Variants in ADD3 observed in about 807,000 individuals in gnomAD.
ADD3 encodes adducin 3.
A neutral mutation model predicts 80.2 loss-of-function variants in ADD3; 25 were observed. The ratio of observed to expected loss-of-function variants is 0.31; its 90% CI spans 0.23 to 0.44. ADD3 has a LOEUF of 0.44. Ranked by LOEUF, ADD3 falls within the 20% of genes least tolerant of loss-of-function variation. The probability of loss-of-function intolerance (pLI) is 1.00; values close to 1 mark genes in which losing one functional copy is unlikely to be tolerated. For missense variants in ADD3, 829 were observed against 847.5 expected (o/e 0.98, Z 0.27); for synonymous variants, 284 against 289.6 (o/e 0.98, Z 0.20).
chr10:110,134,102 T>A lies in ADD3; in HGVS notation c.*484T>A, dbSNP rs1409463184. 2.0e-5 allele frequency: 3 copies of A among 152,642 alleles called. No homozygotes were observed. Among genetic ancestry groups the A allele is most frequent in the Admixed American group, 2.0e-4 (3 of 15,280 alleles). The allele number at this position is 152,642 out of a possible 1,614,324, so 9.5% of individuals were successfully genotyped here. ...CTTCTAAGACAAGAATCTATAGCATTAGTATACACTGGCACATAATTTTTT... is the reference window on the plus strand; with the variant it reads ...CTTCTAAGACAAGAATCTATAGCATAAGTATACACTGGCACATAATTTTTT... On this transcript the variant is annotated 3_prime_UTR_variant, in exon 15 of 15. Transcript: ENST00000356080.
At chr10:110,020,812 A>G (rs1853582804) in intron 1 of ADD3, among the ~76,000 whole-genome samples, 5 of 152,196 alleles carry the variant, frequency 3.3e-5, no homozygotes, top group Admixed American at 3.3e-4. Context: ...TTCTTACTGA[A>G]ATATGGGGGT....
At chr10:110,013,796 T>A (rs1438147277) in intron 1 of ADD3, among the ~76,000 whole-genome samples, 3 of 152,238 alleles carry the variant, frequency 2.0e-5, no homozygotes. Context: ...TGTGAGTGAC[T>A]CAGCCTGTTT....
intron 2 of ADD3, among the ~76,000 whole-genome samples, chr10:110,101,182 A>G (rs1260332672): frequency 6.6e-6 from 1 of 152,180 alleles, no homozygotes; most frequent in African/African-American, 2.4e-5. Flanking sequence ...TAAGTTAGGT[A>G]TATCCCATGC....
chr10:110,062,440 C>T (rs910714333), intron 1 of ADD3, among the ~76,000 whole-genome samples: 3 of 149,610 alleles, frequency 2.0e-5, no homozygotes, highest in African/African-American at 7.4e-5. Context: ...AGATAGCTGG[C>T]TCGTGAGGGT....
chr10:110,033,612 T>G (rs749026239), intron 1 of ADD3, among the ~76,000 whole-genome samples: 4 of 152,234 alleles, frequency 2.6e-5, no homozygotes, highest in African/African-American at 4.8e-5. Flanking sequence ...GAGGGAGCAG[T>G]GTTCTTGAAG....
At chr10:110,022,094 C>T (rs1309799766) in intron 1 of ADD3, among the ~76,000 whole-genome samples, 2 of 152,084 alleles carry the variant, frequency 1.3e-5, no homozygotes, top group African/African-American at 2.4e-5. Flanking sequence ...AGGTAGAAAT[C>T]AGGAGGTGGT....
At chr10:109,998,007 A>G (rs562468838) in intron 1 of ADD3, among the ~76,000 whole-genome samples, 2 of 152,346 alleles carry the variant, frequency 1.3e-5, no homozygotes, top group African/African-American at 2.4e-5. Context: ...GTGACCATCA[A>G]TGTTCTAGAC....
At chr10:110,124,334 T>A in intron 10 of ADD3, 60 bp downstream of exon 10, 1 of 1,547,978 alleles carries the variant, frequency 6.5e-7, no homozygotes, top group South Asian at 1.2e-5. Flanking sequence ...TACTCAAGAA[T>A]TGAATGTTCT....
chr10:110,112,755 T>C (rs1850210909), intron 2 of ADD3, 22 bp from the exon 3 acceptor site: 6 of 1,605,080 alleles, frequency 3.7e-6, no homozygotes, highest in Non-Finnish European at 5.1e-6. Flanking sequence ...GCTTGCTCAG[T>C]CTTTATTTTT....
intron 1 of ADD3, among the ~76,000 whole-genome samples, chr10:109,998,216 C>T (rs1032583907): frequency 4.4e-4 from 67 of 152,318 alleles, no homozygotes; most frequent in African/African-American, 1.4e-3. Context: ...ATCTGTTATA[C>T]TACTTCTTCT....
chr10:110,117,733 C>T (rs897389761), intron 5 of ADD3, among the ~76,000 whole-genome samples: 3 of 151,608 alleles, frequency 2.0e-5, no homozygotes, highest in African/African-American at 4.9e-5. Context: ...AAAACACACA[C>T]GGCCAGGTGC....
At position 110,023,076 on chromosome 10, in the gene ADD3, C is replaced by T. The variant is rs191343251; in HGVS notation, c.-30+14777C>T. ...AGATTTGGTTGTGTGAAGAAAGTCACGATGGAGAGAGAGTGTGTTGGCAAA... is the reference window on the plus strand; with the variant it reads ...AGATTTGGTTGTGTGAAGAAAGTCATGATGGAGAGAGAGTGTGTTGGCAAA... On this transcript the variant is annotated intron_variant, in intron 1 of 14. Coordinates refer to ENST00000356080, the MANE Select transcript of ADD3 (RefSeq NM_016824.5). Among the ~76,000 whole-genome samples the T allele has an allele frequency of 1.1e-3, 169 of 152,140 alleles. 1 individual carries two copies. Among genetic ancestry groups the T allele is most frequent in the Admixed American group, 0.011 (165 of 15,286 alleles).
chr10:110,133,885 G>T lies in ADD3; in HGVS notation c.*267G>T, dbSNP rs541663385. On this transcript the variant is annotated 3_prime_UTR_variant, in exon 15 of 15. Transcript: ENST00000356080. ...GTATTATTATAATTCACCATAAACA[G>T]CTATCTGTCTGAATTACTTCAGGCC... The T allele has an allele frequency of 2.4e-5, 6 of 250,508 alleles. No individual in the cohort carries two copies. Among genetic ancestry groups the T allele is most frequent in the Middle Eastern group, 1.2e-3 (1 of 852 alleles). 15.5% of individuals were successfully genotyped at this position (250,508 alleles called of 1,614,324 possible).
chr10:110,051,112 A>G (rs1409760326), intron 1 of ADD3, among the ~76,000 whole-genome samples: 4 of 152,180 alleles, frequency 2.6e-5, no homozygotes, highest in African/African-American at 9.7e-5. Flanking sequence ...GTCCTCATGC[A>G]AAAAAATGAA....
At chr10:110,009,804 G>T (rs1220818601) in intron 1 of ADD3, among the ~76,000 whole-genome samples, 1 of 152,136 alleles carries the variant, frequency 6.6e-6, no homozygotes, top group Non-Finnish European at 1.5e-5. Context: ...GAAGAAACGG[G>T]TGTATCTATT....
At position 110,124,265 on chromosome 10, in the gene ADD3, C is replaced by A. The variant is rs778219063; in HGVS notation, c.1392C>A (p.Thr464=). 1 of 1,613,836 alleles carries A rather than the reference C, an allele frequency of 6.2e-7. No individual in the cohort carries two copies. The highest frequency in any genetic ancestry group is 8.5e-7 in the Non-Finnish European group (1 of 1,179,730). Residue 464 remains threonine, a synonymous_variant, in exon 10 of 15, where the codon ACC becomes ACA. Transcript: ENST00000356080. ...GGAACGGAGAAACCAGTCCCCGAACCAAAATCACGGTATGCCAGTATTTTA... is the reference window on the plus strand; with the variant it reads ...GGAACGGAGAAACCAGTCCCCGAACAAAAATCACGGTATGCCAGTATTTTA... The part of the protein sequence containing the change: ...ESRNGETSPR[T]KITWMKAEDS...
At chr10:110,009,734 C>T (rs778278812) in intron 1 of ADD3, among the ~76,000 whole-genome samples, 1 of 152,170 alleles carries the variant, frequency 6.6e-6, no homozygotes, top group African/African-American at 2.4e-5. Context: ...CTGAAGAGTT[C>T]AGTCTGTGAT....
intron 1 of ADD3, among the ~76,000 whole-genome samples, chr10:110,092,116 G>T (rs1264842401): frequency 6.6e-6 from 1 of 152,140 alleles, no homozygotes; most frequent in Non-Finnish European, 1.5e-5. Flanking sequence ...GGAGAAAACG[G>T]AACACTTATA....
At chr10:110,108,226 G>A (rs1278422705) in intron 2 of ADD3, among the ~76,000 whole-genome samples, 7 of 151,042 alleles carry the variant, frequency 4.6e-5, no homozygotes, top group Non-Finnish European at 4.4e-5. Context: ...TAATCTGCCA[G>A]TATATATATA....
Sources: allele counts gnomAD v4.1 joint callset (sites outside exome capture counted in the v4.1 genomes callset), GRCh38; gene constraint gnomAD v4.1.1; transcripts MANE v1.5; gene names NCBI Gene and HGNC (gene_info 2026-07-23, HGNC 2026-07-21).